The following SCNN1B variants were observed in gnomAD, a reference collection of about 807,000 sequenced individuals.
The protein encoded by SCNN1B is epithelial sodium channel subunit beta.
SCNN1B carries 46 observed loss-of-function variants against 65.3 expected under a neutral mutation model. The ratio of observed to expected loss-of-function variants is 0.70; its 90% CI spans 0.56 to 0.90. The LOEUF (loss-of-function observed/expected upper bound fraction) is 0.90, where lower values mean the gene tolerates loss of function less well. Ranked by LOEUF, SCNN1B falls within the 40% of genes least tolerant of loss-of-function variation. SCNN1B has a pLI of 0.00. For synonymous variants in SCNN1B, 349 were observed against 330.6 expected, an observed-to-expected ratio of 1.06 and a Z score of -0.60; for missense variants, 751 against 830.5, an observed-to-expected ratio of 0.90 and a Z score of 1.18.
At chr16:23,291,684 C>T (rs1056661337) in intron 2 of SCNN1B, among the ~76,000 whole-genome samples, 3 of 151,580 alleles carry the variant, frequency 2.0e-5, no homozygotes, top group Non-Finnish European at 4.4e-5. Context: ...GGGCGATCCT[C>T]TTGCCTCAGT....
chr16:23,359,668 C>T (rs1596870902), intron 4 of SCNN1B, among the ~76,000 whole-genome samples: 1 of 152,144 alleles, frequency 6.6e-6, no homozygotes, highest in African/African-American at 2.4e-5. Flanking sequence ...GAAGCAGCAG[C>T]TGCAGAATTA....
At chr16:23,357,398 C>T (rs1291544021) in intron 4 of SCNN1B, among the ~76,000 whole-genome samples, 1 of 152,244 alleles carries the variant, frequency 6.6e-6, no homozygotes, top group Admixed American at 6.5e-5. Flanking sequence ...GCCTGGCCAA[C>T]ATGGCGAAAC....
intron 1 of SCNN1B, among the ~76,000 whole-genome samples, chr16:23,318,998 G>A (rs1961531085): frequency 6.6e-6 from 1 of 152,066 alleles, no homozygotes; most frequent in Non-Finnish European, 1.5e-5. Flanking sequence ...GAAGGAGGAG[G>A]AGTCCTGCAA....
chr16:23,370,503 C>A (rs114047884), intron 5 of SCNN1B, among the ~76,000 whole-genome samples: 1 of 152,168 alleles, frequency 6.6e-6, no homozygotes, highest in Non-Finnish European at 1.5e-5. Flanking sequence ...CTCAACTCCA[C>A]GTAGCTCAGG....
intron 1 of SCNN1B, among the ~76,000 whole-genome samples, chr16:23,331,787 G>C (rs370378460): frequency 3.9e-5 from 6 of 152,112 alleles, no homozygotes; most frequent in African/African-American, 9.7e-5. Flanking sequence ...TAGCACAGGA[G>C]GGGGAGCATC....
Position 23,377,479 on chromosome 16 carries a change from G to T in SCNN1B, c.1404+93G>T, listed in dbSNP as rs1334848916. On this transcript the variant is annotated intron_variant, in intron 10 of 12. Transcript: ENST00000343070. ...TGGGCTATTTGGAAATTTGAAGGGG[G>T]TGCCTTTTTCCCTCCCTCCTTCCTT... 3 of 1,213,986 alleles carry T rather than the reference G, an allele frequency of 2.5e-6. No individual in the cohort carries two copies. The South Asian group carries it at 3.7e-5, about 15-fold the overall frequency. The allele number at this position is 1,213,986 out of a possible 1,614,324, so 75.2% of individuals were successfully genotyped here.
At chr16:23,330,873 G>C (rs1427995546) in intron 1 of SCNN1B, among the ~76,000 whole-genome samples, 1 of 152,014 alleles carries the variant, frequency 6.6e-6, no homozygotes, top group African/African-American at 2.4e-5. Context: ...GATCTCTTAA[G>C]GGCAGTCGAG....
intron 1 of SCNN1B, among the ~76,000 whole-genome samples, chr16:23,346,856 C>A (rs1218905907): frequency 6.6e-6 from 1 of 152,002 alleles, no homozygotes; most frequent in Non-Finnish European, 1.5e-5. Context: ...CATGAATCTA[C>A]CCTCTCCATA....
intron 2 of SCNN1B, among the ~76,000 whole-genome samples, chr16:23,287,897 G>A (rs144990092): frequency 1.3e-5 from 2 of 149,410 alleles, no homozygotes; most frequent in Non-Finnish European, 3.0e-5. Flanking sequence ...ACTCACACCT[G>A]TAATCCCAGC....
chr16:23,308,348 C>T lies in SCNN1B; in HGVS notation c.-9+5911C>T, dbSNP rs112001186. Among the ~76,000 whole-genome samples the T allele has an allele frequency of 3.9e-5, 6 of 152,320 alleles. No individual in the cohort carries two copies. The South Asian group carries it at 6.2e-4, about 16-fold the overall frequency. ...GACTAGACTGAACAACATAGCAAGA[C>T]TCCATCTCTGTACAAAATTTAAAAA... On this transcript the variant is annotated intron_variant, in intron 1 of 12. Transcript: ENST00000343070.
At chr16:23,330,168 A>G (rs527668312) in intron 1 of SCNN1B, among the ~76,000 whole-genome samples, 1 of 152,278 alleles carries the variant, frequency 6.6e-6, no homozygotes, top group East Asian at 1.9e-4. Context: ...CCTTAGGAAA[A>G]GTCACTTCTT....
At chr16:23,330,060 A>T (rs1040156474) in intron 1 of SCNN1B, among the ~76,000 whole-genome samples, 7 of 152,114 alleles carry the variant, frequency 4.6e-5, no homozygotes, top group African/African-American at 1.7e-4. Context: ...GAGCGAAAGA[A>T]AGAAAAGAAA....
At chr16:23,308,279 CAG>C (rs1961263496) in intron 1 of SCNN1B, among the ~76,000 whole-genome samples, 1 of 151,666 alleles carries the variant, frequency 6.6e-6, no homozygotes, top group Admixed American at 6.6e-5. Flanking sequence ...TCCCAGCACT[CAG>C]AGAGGCTGAG....
upstream of SCNN1B, among the ~76,000 whole-genome samples, chr16:23,300,305 C>T (rs930647317): frequency 4.6e-5 from 7 of 151,776 alleles, no homozygotes; most frequent in South Asian, 2.1e-4. Context: ...CAAACCTGCA[C>T]GTTCTGCACA....
chr16:23,341,647 A>G (rs2142009536), intron 1 of SCNN1B, among the ~76,000 whole-genome samples: 1 of 152,284 alleles, frequency 6.6e-6, no homozygotes, highest in East Asian at 1.9e-4. Context: ...ATGATGAAGG[A>G]TCTGAATAGA....
intron 4 of SCNN1B, among the ~76,000 whole-genome samples, chr16:23,365,921 C>T (rs1196877713): frequency 6.6e-6 from 1 of 152,250 alleles, no homozygotes; most frequent in Non-Finnish European, 1.5e-5. Flanking sequence ...CCAAGTCATT[C>T]TGCAAGTCAA....
chr16:23,331,750 G>A (rs987393349), intron 1 of SCNN1B, among the ~76,000 whole-genome samples: 4 of 152,126 alleles, frequency 2.6e-5, no homozygotes, highest in African/African-American at 9.7e-5. Flanking sequence ...CATTCATTCA[G>A]ATCACAGCAC....
intron 4 of SCNN1B, among the ~76,000 whole-genome samples, chr16:23,362,023 T>A (rs1257406834): frequency 6.6e-6 from 1 of 152,042 alleles, no homozygotes; most frequent in Non-Finnish European, 1.5e-5. Context: ...CAAGCTCTGG[T>A]TTTTTAAATT....
At chr16:23,337,824 T>C (rs975246765) in intron 1 of SCNN1B, among the ~76,000 whole-genome samples, 2 of 152,016 alleles carry the variant, frequency 1.3e-5, no homozygotes, top group African/African-American at 4.8e-5. Flanking sequence ...CCCAGCACTT[T>C]GGGAAGCCAA....
Sources: gnomAD v4.1 joint callset for allele counts (sites outside exome capture counted in the v4.1 genomes callset) on GRCh38, gnomAD v4.1.1 for gene constraint, MANE v1.5 for transcripts, NCBI Gene and HGNC (gene_info 2026-07-23, HGNC 2026-07-21) for gene names.